Variants in TPD52L1 observed in about 807,000 individuals in gnomAD.
TPD52L1 encodes the protein tumor protein D53.
A neutral mutation model predicts 28.7 loss-of-function variants in TPD52L1; 18 were observed. The observed-to-expected ratio is 0.63, with a 90% CI of 0.43 to 0.93. The LOEUF is 0.93. Ranked by LOEUF, TPD52L1 falls within the 40% of genes least tolerant of loss-of-function variation. The probability of loss-of-function intolerance (pLI) is 0.00; values close to 1 mark genes in which losing one functional copy is unlikely to be tolerated. For synonymous variants in TPD52L1, 75 were observed against 88.8 expected, an observed-to-expected ratio of 0.84 and a Z score of 0.88; for missense variants, 203 against 254.8, an observed-to-expected ratio of 0.80 and a Z score of 1.39.
rs912168743 is a variant in TPD52L1 at position 125,210,612 on chromosome 6, C to T, written c.20-9466C>T. ...ATGTAAGGTATATATGCGGGTGGCA[C>T]CACAGTGAAATATTTTTGCTTCTTG... is the stretch of plus-strand genomic sequence containing the variant. On this transcript the variant is annotated intron_variant, in intron 1 of 6. Transcript: ENST00000534000. Among the ~76,000 whole-genome samples the T allele has an allele frequency of 9.2e-5, 14 of 152,160 alleles. No individual in the cohort carries two copies. In the South Asian group the frequency reaches 2.7e-3, roughly 29 times the overall value.
intron 3 of TPD52L1, among the ~76,000 whole-genome samples, chr6:125,239,064 G>C (rs1490622029): frequency 6.6e-6 from 1 of 152,128 alleles, no homozygotes; most frequent in African/African-American, 2.4e-5. Flanking sequence ...ACTGTTTTCT[G>C]TAGTGGTTGT....
chr6:125,225,132 A>C (rs1366089138), intron 2 of TPD52L1, among the ~76,000 whole-genome samples: 2 of 152,228 alleles, frequency 1.3e-5, no homozygotes. Context: ...TCTTTCACTT[A>C]GCCTGATGTT....
chr6:125,159,790 T>C (rs897022786), intron 1 of TPD52L1, among the ~76,000 whole-genome samples: 1 of 152,198 alleles, frequency 6.6e-6, no homozygotes, highest in Non-Finnish European at 1.5e-5. Flanking sequence ...GTGAGCAATG[T>C]TAATCTCTTT....
At chr6:125,229,913 C>T (rs1408604116) in intron 3 of TPD52L1, among the ~76,000 whole-genome samples, 3 of 151,978 alleles carry the variant, frequency 2.0e-5, no homozygotes, top group Non-Finnish European at 2.9e-5. Context: ...GGTGAAACCT[C>T]GTCCCTACTA....
intron 2 of TPD52L1, among the ~76,000 whole-genome samples, chr6:125,220,397 A>G (rs1444574155): frequency 6.6e-6 from 1 of 152,214 alleles, no homozygotes; most frequent in Non-Finnish European, 1.5e-5. Flanking sequence ...TTACAGTTGT[A>G]GAATGAATCA....
At chr6:125,244,663 G>T (rs1562368267) in intron 3 of TPD52L1, among the ~76,000 whole-genome samples, 1 of 152,206 alleles carries the variant, frequency 6.6e-6, no homozygotes, top group African/African-American at 2.4e-5. Flanking sequence ...TTCCAGAAAG[G>T]CTGTCTATAG....
chr6:125,180,726 G>A (rs1216895556), intron 1 of TPD52L1, among the ~76,000 whole-genome samples: 1 of 152,140 alleles, frequency 6.6e-6, no homozygotes, highest in Non-Finnish European at 1.5e-5. Flanking sequence ...TTTAACATCT[G>A]CATAAAACAC....
intron 1 of TPD52L1, among the ~76,000 whole-genome samples, chr6:125,193,328 T>G (rs1793184849): frequency 6.6e-6 from 1 of 152,164 alleles, no homozygotes; most frequent in African/African-American, 2.4e-5. Context: ...CCTCATCCTT[T>G]CCTTCTCCCT....
chr6:125,246,753 A>G (rs1282735193), intron 3 of TPD52L1, among the ~76,000 whole-genome samples: 1 of 151,984 alleles, frequency 6.6e-6, no homozygotes, highest in African/African-American at 2.4e-5. Flanking sequence ...GCCATCTGGC[A>G]TCCACATTCC....
chr6:125,233,623 TG>T (rs1295829596), intron 3 of TPD52L1, among the ~76,000 whole-genome samples: 20 of 152,322 alleles, frequency 1.3e-4, no homozygotes, highest in East Asian at 9.7e-4. Context: ...TAATCTTAAA[TG>T]TTTTTTTGTA....
intron 1 of TPD52L1, among the ~76,000 whole-genome samples, chr6:125,210,747 A>G (rs1056273072): frequency 6.6e-6 from 1 of 152,196 alleles, no homozygotes; most frequent in Non-Finnish European, 1.5e-5. Context: ...TAATGTGCTA[A>G]CTGATTATTA....
chr6:125,261,029 AAAGAAAGAAAGAAAGAAAGAAAAGGG>A lies in TPD52L1; in HGVS notation c.487-1804_487-1779del, dbSNP rs1562412381. ...AAGAAAGAAAGAAAGAAAAGAAAAG[AAAGAAAGAAAGAAAGAAAGAAAAGGG>A]GAAGGGGAAGGGGAAGGGAAGCCAC... On this transcript the variant is annotated intron_variant, in intron 6 of 6. Transcript: ENST00000534000. The A allele has an allele frequency of 2.0e-3, 221 of 111,038 alleles. 3 individuals are homozygous for A. The highest frequency in any genetic ancestry group is 2.8e-3 in the Non-Finnish European group (150 of 54,508). The allele number at this position is 111,038 out of a possible 1,614,324, so 6.9% of individuals were successfully genotyped here. A position where few individuals can be genotyped will look rare whatever the true frequency, so the allele number is the denominator to read the frequency against.
chr6:125,237,341 G>C (rs892462932), intron 3 of TPD52L1, among the ~76,000 whole-genome samples: 1 of 152,186 alleles, frequency 6.6e-6, no homozygotes, highest in African/African-American at 2.4e-5. Context: ...GATGATGGCG[G>C]CTTGAACTAA....
intron 6 of TPD52L1, chr6:125,261,002 GAAAGAAAGAAAGAAAGAAAAGA>G (rs1562411455): frequency 0.042 from 1,828 of 43,062 alleles, 170 homozygotes; most frequent in East Asian, 0.11. Flanking sequence ...AAGAAAGAAA[GAAAGAAAGAAAGAAAGAAAAGA>G]AAAGAAAGAA....
In TPD52L1 at chr6:125,264,270, A is replaced by C. The variant is rs1798206106; in HGVS notation, c.*1308A>C. On this transcript the variant is annotated 3_prime_UTR_variant, in exon 7 of 7. Coordinates refer to ENST00000534000, the MANE Select transcript of TPD52L1 (RefSeq NM_003287.4). ...CACACTGAATAGACATCCAACCTAA[A>C]AAAAATCACTATTTAAAAAGCCCAT... is the stretch of plus-strand genomic sequence containing the variant. 1 of 152,360 alleles carries C rather than the reference A, an allele frequency of 6.6e-6. No individual in the cohort carries two copies. Among genetic ancestry groups the C allele is most frequent in the African/African-American group, 2.4e-5 (1 of 41,584 alleles). 9.4% of individuals were successfully genotyped at this position (152,360 alleles called of 1,614,324 possible).
At chr6:125,246,802 A>G (rs1200425189) in intron 3 of TPD52L1, among the ~76,000 whole-genome samples, 1 of 150,958 alleles carries the variant, frequency 6.6e-6, no homozygotes, top group East Asian at 2.0e-4. Context: ...GACACAAATT[A>G]CCCCCTAGTC....
chr6:125,157,341 C>T (rs769117685), intron 1 of TPD52L1, among the ~76,000 whole-genome samples: 1 of 152,160 alleles, frequency 6.6e-6, no homozygotes, highest in Non-Finnish European at 1.5e-5. Context: ...AGAAACTTTC[C>T]CATAAGTGAA....
At chr6:125,205,439 C>G (rs908538603) in intron 1 of TPD52L1, among the ~76,000 whole-genome samples, 3 of 152,148 alleles carry the variant, frequency 2.0e-5, no homozygotes, top group African/African-American at 7.2e-5. Flanking sequence ...TCCACAGCTT[C>G]CAGTGCCTTC....
chr6:125,179,453 G>A (rs962535213), intron 1 of TPD52L1, among the ~76,000 whole-genome samples: 10 of 152,314 alleles, frequency 6.6e-5, no homozygotes, highest in African/African-American at 2.2e-4. Flanking sequence ...GAATCCCTAT[G>A]TGTCCCAAAG....
Sources: allele counts gnomAD v4.1 joint callset (sites outside exome capture counted in the v4.1 genomes callset), GRCh38; gene constraint gnomAD v4.1.1; transcripts MANE v1.5; gene names NCBI Gene and HGNC (gene_info 2026-07-23, HGNC 2026-07-21).